OTOP1: variants seen among roughly 807,000 people sequenced by gnomAD.
The protein encoded by OTOP1 is proton channel OTOP1.
Under a neutral mutation model 52.9 loss-of-function variants are expected in OTOP1, and 59 were observed. The ratio of observed to expected loss-of-function variants is 1.12; its 90% CI spans 0.91 to 1.39. The LOEUF (loss-of-function observed/expected upper bound fraction) is 1.39, where lower values mean the gene tolerates loss of function less well. Ranked by LOEUF, OTOP1 falls within the 40% of genes most tolerant of loss-of-function variation. The probability of loss-of-function intolerance (pLI) is 0.00; values close to 1 mark genes in which losing one functional copy is unlikely to be tolerated. For missense variants in OTOP1, 761 were observed against 800.9 expected, an observed-to-expected ratio of 0.95 and a Z score of 0.60; for synonymous variants, 317 against 337.7, an observed-to-expected ratio of 0.94 and a Z score of 0.67.
chr4:4,190,262 C>A (rs1392897633), intron 5 of OTOP1, among the ~76,000 whole-genome samples: 1 of 152,174 alleles, frequency 6.6e-6, no homozygotes, highest in Non-Finnish European at 1.5e-5. Flanking sequence ...CACCTGAGGT[C>A]AGGAGTTCAA....
intron 5 of OTOP1, among the ~76,000 whole-genome samples, chr4:4,194,343 C>G (rs920711089): frequency 6.6e-6 from 1 of 152,242 alleles, no homozygotes; most frequent in Admixed American, 6.5e-5. Flanking sequence ...CTTGTTAACT[C>G]TTTCAATTCT....
In OTOP1 at chr4:4,198,039, G is replaced by A. The variant is rs148721069; in HGVS notation, c.795C>T (p.His265=). The A allele has an allele frequency of 8.7e-6, 14 of 1,614,050 alleles. No homozygotes were observed. The highest frequency in any genetic ancestry group is 8.0e-5 in the African/African-American group (6 of 74,928). The change falls in exon 5 of 6, where the codon CAC becomes CAT. Residue 265 remains histidine, a synonymous_variant. Coordinates refer to ENST00000296358, the MANE Select transcript of OTOP1 (RefSeq NM_177998.3). Reference sequence around the variant, plus strand: ...TGAAGGGGTAGAGGTAGTAGATCCCGTGGGAGATGGCAGTGCACAGAGTTG... The same window carrying A: ...TGAAGGGGTAGAGGTAGTAGATCCCATGGGAGATGGCAGTGCACAGAGTTG... ...TPPTLCTAIS[H]GIYYLYPFNI... is the part of the protein sequence containing the mutation.
chr4:4,207,030 G>T (rs1311828138), intron 2 of OTOP1, among the ~76,000 whole-genome samples: 1 of 152,146 alleles, frequency 6.6e-6, no homozygotes, highest in African/African-American at 2.4e-5. Context: ...TTATAAATTT[G>T]TCTCATTTAA....
intron 1 of OTOP1, 122 bp downstream of exon 1, chr4:4,226,340 G>C: frequency 1.0e-6 from 1 of 998,106 alleles, no homozygotes; most frequent in Non-Finnish European, 1.4e-6. Context: ...AAGATGCACA[G>C]AGAGACCAAG....
intron 3 of OTOP1, 71 bp from the exon 4 acceptor site, chr4:4,202,649 G>T: frequency 2.5e-6 from 4 of 1,571,756 alleles, no homozygotes; most frequent in Non-Finnish European, 2.6e-6. Context: ...TGAGACAGAC[G>T]TGTGCACACA....
At chr4:4,213,581 T>C (rs537792470) in intron 1 of OTOP1, among the ~76,000 whole-genome samples, 20 of 152,326 alleles carry the variant, frequency 1.3e-4, no homozygotes, top group Admixed American at 1.2e-3. Flanking sequence ...CTTTGGTGGT[T>C]GAGTTTATTT....
chr4:4,199,490 T>G lies in OTOP1; in HGVS notation c.731-1387A>C, dbSNP rs181162025. Among the ~76,000 whole-genome samples the G allele has an allele frequency of 7.2e-5, 11 of 152,190 alleles. No homozygotes were observed. In the East Asian group the frequency reaches 2.1e-3, roughly 29 times the overall value. Reference sequence around the variant, plus strand: ...GTGCTGTGGCAAAATCTTGGCTCACTGCAACCTCAGACTTCTGTGCTCAAG... The same window carrying G: ...GTGCTGTGGCAAAATCTTGGCTCACGGCAACCTCAGACTTCTGTGCTCAAG... On this transcript the variant is annotated intron_variant, in intron 4 of 5. Coordinates refer to ENST00000296358, the MANE Select transcript of OTOP1 (RefSeq NM_177998.3).
Position 4,188,750 on chromosome 4 carries a change from T to C in OTOP1, c.*53A>G, listed in dbSNP as rs1716413538. ...ATTTGCCCAACCTGGCCACTCCTAG[T>C]TGGCTCCAATGAACTCTTGTTAGCT... On this transcript the variant is annotated 3_prime_UTR_variant, in exon 6 of 6. Transcript: ENST00000296358. The C allele has an allele frequency of 6.7e-7, 1 of 1,503,350 alleles. No individual in the cohort carries two copies. The allele number at this position is 1,503,350 out of a possible 1,614,324, so 93.1% of individuals were successfully genotyped here.
At chr4:4,200,238 G>A (rs1422006587) in intron 4 of OTOP1, among the ~76,000 whole-genome samples, 5 of 152,142 alleles carry the variant, frequency 3.3e-5, no homozygotes, top group Non-Finnish European at 7.3e-5. Flanking sequence ...GCTCACGCCT[G>A]TAATCCCAGC....
At chr4:4,201,467 T>TACACACACACACACACACACAC (rs374925758) in intron 4 of OTOP1, among the ~76,000 whole-genome samples, 7 of 126,372 alleles carry the variant, frequency 5.5e-5, no homozygotes, top group South Asian at 2.7e-4. Flanking sequence ...TAAATATATA[T>TACACACACACACACACACACAC]ATATACACAC....
intron 1 of OTOP1, among the ~76,000 whole-genome samples, chr4:4,220,105 A>ATATATATTTTTTTT (rs1434375771): frequency 1.7e-5 from 1 of 59,396 alleles, no homozygotes; most frequent in African/African-American, 5.1e-5. Flanking sequence ...ATATATATAT[A>ATATATATTTTTTTT]TTTTTTTTTT....
intron 4 of OTOP1, among the ~76,000 whole-genome samples, chr4:4,201,927 A>G (rs888207211): frequency 2.0e-5 from 3 of 152,200 alleles, no homozygotes; most frequent in Admixed American, 2.0e-4. Context: ...AGATTAACCC[A>G]ACAGGCTTTC....
At position 4,210,397 on chromosome 4, in the gene OTOP1, G is replaced by C. The variant is rs545813493; in HGVS notation, c.540+2471C>G. Among the ~76,000 whole-genome samples the C allele has an allele frequency of 3.2e-4, 48 of 152,292 alleles. 2 individuals carry two copies. The South Asian group carries it at 9.4e-3, about 30-fold the overall frequency. ...AATCACAGGAATTTCTCTTCTCAGC[G>C]TCCTGAGGCTAGAAATCCAAGATCA... On this transcript the variant is annotated intron_variant, in intron 2 of 5. Coordinates refer to ENST00000296358, the MANE Select transcript of OTOP1 (RefSeq NM_177998.3).
intron 1 of OTOP1, among the ~76,000 whole-genome samples, chr4:4,217,984 G>T (rs1283350543): frequency 6.6e-6 from 1 of 152,036 alleles, no homozygotes; most frequent in East Asian, 1.9e-4. Flanking sequence ...AAGAAGAAAA[G>T]AACTTAAATT....
chr4:4,221,162 C>G (rs1717294020), intron 1 of OTOP1, among the ~76,000 whole-genome samples: 1 of 151,062 alleles, frequency 6.6e-6, no homozygotes, highest in Admixed American at 6.6e-5. Flanking sequence ...TCACTGCAAA[C>G]CCTGCCTCCT....
chr4:4,220,011 G>A (rs1429506557), intron 1 of OTOP1, among the ~76,000 whole-genome samples: 1 of 130,824 alleles, frequency 7.6e-6, no homozygotes. Flanking sequence ...ACATATATAT[G>A]TATATACATG....
chr4:4,210,713 C>T (rs776763060), intron 2 of OTOP1, among the ~76,000 whole-genome samples: 9 of 152,110 alleles, frequency 5.9e-5, no homozygotes, highest in Non-Finnish European at 1.2e-4. Flanking sequence ...TGTCTGTCAT[C>T]GGAGCTACTT....
intron 5 of OTOP1, among the ~76,000 whole-genome samples, chr4:4,191,822 T>C: frequency 6.6e-6 from 1 of 152,146 alleles, no homozygotes; most frequent in East Asian, 1.9e-4. Context: ...AGACCAGAGA[T>C]CTTGGTCATT....
At chr4:4,213,388 G>C (rs1202848018) in intron 1 of OTOP1, among the ~76,000 whole-genome samples, 1 of 152,172 alleles carries the variant, frequency 6.6e-6, no homozygotes, top group African/African-American at 2.4e-5. Flanking sequence ...AATTAAATAA[G>C]ATGAACTACA....
Sources: allele counts gnomAD v4.1 joint callset (sites outside exome capture counted in the v4.1 genomes callset), GRCh38; gene constraint gnomAD v4.1.1; transcripts MANE v1.5; gene names NCBI Gene and HGNC (gene_info 2026-07-23, HGNC 2026-07-21).